The following EEF1E1 variants were observed in gnomAD, a reference collection of about 807,000 sequenced individuals.
The protein encoded by EEF1E1 is eukaryotic translation elongation factor 1 epsilon-1.
A neutral mutation model predicts 19.9 loss-of-function variants in EEF1E1; 19 were observed. That is an observed-to-expected ratio of 0.95 (90% CI 0.66 to 1.40). The LOEUF is 1.40. EEF1E1 is among the 40% of genes most tolerant of loss of function. EEF1E1 has a pLI of 0.00. For missense variants in EEF1E1, 198 were observed against 202.2 expected, an observed-to-expected ratio of 0.98 and a Z score of 0.13; for synonymous variants, 81 against 80.0, an observed-to-expected ratio of 1.01 and a Z score of -0.07.
At chr6:8,098,699 CT>C (rs1264828951) in intron 1 of EEF1E1, among the ~76,000 whole-genome samples, 2 of 152,120 alleles carry the variant, frequency 1.3e-5, no homozygotes, top group African/African-American at 4.8e-5. Flanking sequence ...GTATGGAACC[CT>C]CCGAAGGGTG....
At chr6:8,094,706 T>A (rs1168518847) in intron 2 of EEF1E1, among the ~76,000 whole-genome samples, 1 of 152,156 alleles carries the variant, frequency 6.6e-6, no homozygotes, top group Non-Finnish European at 1.5e-5. Context: ...ACAACGCAGG[T>A]TGGAATTGCA....
rs114310393 is a variant in EEF1E1, at chr6:8,093,991, G to C, written c.288+3276C>G. 9.5e-3 allele frequency among the ~76,000 whole-genome samples: 1,439 copies of C among 152,058 alleles called. 21 individuals are homozygous for C. Among genetic ancestry groups the C allele is most frequent in the African/African-American group, 0.033 (1,351 of 41,490 alleles). ...TTTTCTGTTTTTAGCAGAGATGGGGGTTCCACCATGTTGGCCAGGCTGATC... is the reference window on the plus strand; with the variant it reads ...TTTTCTGTTTTTAGCAGAGATGGGGCTTCCACCATGTTGGCCAGGCTGATC... On this transcript the variant is annotated intron_variant, in intron 2 of 3. Coordinates refer to ENST00000379715, the MANE Select transcript of EEF1E1 (RefSeq NM_004280.5).
intron 3 of EEF1E1, among the ~76,000 whole-genome samples, chr6:8,088,904 G>A (rs2113650539): frequency 6.6e-6 from 1 of 151,800 alleles, no homozygotes; most frequent in East Asian, 1.9e-4. Context: ...AGAAGGAAGG[G>A]GCTTAAGGAA....
rs147858776 is a variant in EEF1E1, at chr6:8,086,217, C to G, written c.384+3969G>C. Reference sequence around the variant, plus strand: ...ATCCTGCATTATTACGGTACGTTTGCGGGGTGAGGGGAAACTAAAAGGAAT... The same window carrying G: ...ATCCTGCATTATTACGGTACGTTTGGGGGGTGAGGGGAAACTAAAAGGAAT... On this transcript the variant is annotated intron_variant, in intron 3 of 3. Transcript: ENST00000379715. Among the ~76,000 whole-genome samples the G allele has an allele frequency of 1.8e-3, 271 of 152,046 alleles. 3 individuals carry two copies. Among genetic ancestry groups the G allele is most frequent in the African/African-American group, 6.3e-3 (261 of 41,490 alleles).
At chr6:8,077,208 G>A (rs976116341), downstream of EEF1E1, among the ~76,000 whole-genome samples, 1 of 152,200 alleles carries the variant, frequency 6.6e-6, no homozygotes. Context: ...CTCCCAAAGT[G>A]CTGGGATTAC....
rs116689114 is a variant in EEF1E1, at chr6:8,098,673, G to A, written c.88-1206C>T. On this transcript the variant is annotated intron_variant, in intron 1 of 3. Transcript: ENST00000379715. Reference sequence around the variant, plus strand: ...CTCTAAGATCACCAATAAATTAAATGTATTGAAAGAAAACAGTATGGAACC... The same window carrying A: ...CTCTAAGATCACCAATAAATTAAATATATTGAAAGAAAACAGTATGGAACC... Among the ~76,000 whole-genome samples, 455 of 152,240 alleles carry A rather than the reference G, an allele frequency of 3.0e-3. 6 individuals are homozygous for A. Among genetic ancestry groups the A allele is most frequent in the African/African-American group, 0.01 (435 of 41,536 alleles).
rs756933478 is a variant in EEF1E1 at position 8,101,781 on chromosome 6, C to A, written c.87+654G>T. 1.0e-5 allele frequency: 13 copies of A among 1,289,254 alleles called. No individual in the cohort carries two copies. The South Asian group carries it at 1.4e-4, about 13-fold the overall frequency. The allele number at this position is 1,289,254 out of a possible 1,614,324, so 79.9% of individuals were successfully genotyped here. A position where few individuals can be genotyped will look rare whatever the true frequency, so the allele number is the denominator to read the frequency against. Reference sequence around the variant, plus strand: ...ATCTCATACCTTGTGATGTTTCCCGCATTCACTGTGGGTCGTAACACTTAA... The same window carrying A: ...ATCTCATACCTTGTGATGTTTCCCGAATTCACTGTGGGTCGTAACACTTAA... On this transcript the variant is annotated intron_variant, in intron 1 of 3. Coordinates refer to ENST00000379715, the MANE Select transcript of EEF1E1 (RefSeq NM_004280.5).
chr6:8,080,653 T>G (rs1486735972), intron 3 of EEF1E1, among the ~76,000 whole-genome samples: 1 of 152,246 alleles, frequency 6.6e-6, no homozygotes, highest in Non-Finnish European at 1.5e-5. Flanking sequence ...ATCATTTCAC[T>G]GGGCTCAAAT....
At chr6:8,092,693 A>G (rs1268125649) in intron 2 of EEF1E1, among the ~76,000 whole-genome samples, 1 of 152,216 alleles carries the variant, frequency 6.6e-6, no homozygotes, top group Non-Finnish European at 1.5e-5. Flanking sequence ...ATCTTCAGAG[A>G]AATCAACTTT....
chr6:8,095,582 A>G (rs1758150717), intron 2 of EEF1E1: 1 of 189,722 alleles, frequency 5.3e-6, no homozygotes. Flanking sequence ...TTTTTTTTTA[A>G]TACATGCACA....
downstream of EEF1E1, among the ~76,000 whole-genome samples, chr6:8,077,204 A>C (rs1240417371): frequency 6.6e-6 from 1 of 152,110 alleles, no homozygotes; most frequent in Non-Finnish European, 1.5e-5. Context: ...TGGCCTCCCA[A>C]AGTGCTGGGA....
downstream of EEF1E1, among the ~76,000 whole-genome samples, chr6:8,076,673 T>C (rs1757599178): frequency 1.3e-5 from 2 of 152,202 alleles, no homozygotes; most frequent in Non-Finnish European, 2.9e-5. Context: ...AATTATTCCT[T>C]AATCCATGGG....
chr6:8,080,695 A>G (rs1312738461), intron 3 of EEF1E1, among the ~76,000 whole-genome samples: 2 of 152,230 alleles, frequency 1.3e-5, no homozygotes, highest in African/African-American at 4.8e-5. Flanking sequence ...ACTTTTCTCT[A>G]AGATAAACTT....
At chr6:8,092,869 C>CTTTTTTTTTTTTTTTTTTT (rs942764776) in intron 2 of EEF1E1, among the ~76,000 whole-genome samples, 1 of 93,764 alleles carries the variant, frequency 1.1e-5, no homozygotes, top group Admixed American at 1.5e-4. Flanking sequence ...ATAAAGACTG[C>CTTTTTTTTTTTTTTTTTTT]TTTTTTTTTT....
chr6:8,078,005 G>C (rs1757638673), downstream of EEF1E1, among the ~76,000 whole-genome samples: 1 of 152,092 alleles, frequency 6.6e-6, no homozygotes, highest in African/African-American at 2.4e-5. Flanking sequence ...TTGAACTCTT[G>C]GGCTCAAGTG....
intron 3 of EEF1E1, among the ~76,000 whole-genome samples, chr6:8,082,951 T>G (rs1053912304): frequency 6.6e-6 from 1 of 152,230 alleles, no homozygotes; most frequent in African/African-American, 2.4e-5. Context: ...ACAACACTGG[T>G]TTTCCACCAT....
At chr6:8,078,416 A>G (rs1561880131), downstream of EEF1E1, 1 of 180,304 alleles carries the variant, frequency 5.5e-6, no homozygotes, top group East Asian at 1.8e-4. Flanking sequence ...CCCAAAAATA[A>G]TAACAATAGT....
In EEF1E1 at chr6:8,097,303, C is replaced by A. The variant is rs1758202068; in HGVS notation, c.252G>T (p.Gly84=). The A allele has an allele frequency of 4.3e-6, 7 of 1,614,008 alleles. No homozygotes were observed. The highest frequency in any genetic ancestry group is 1.6e-4 in the Middle Eastern group (1 of 6,084). Residue 84 remains glycine, a synonymous_variant, in exon 2 of 4, where the codon GGG becomes GGT. Transcript: ENST00000379715. ...WLEYRVTQVD[G]HSSKNDIHTL... The stretch of plus-strand genomic sequence containing the variant: ...TGTGGATGTCATTTTTACTGGAGTG[C>A]CCATCTACTTGAGTGACCCTGTATT...
intron 3 of EEF1E1, among the ~76,000 whole-genome samples, chr6:8,084,372 T>C (rs1442605759): frequency 6.6e-6 from 1 of 152,270 alleles, no homozygotes; most frequent in Non-Finnish European, 1.5e-5. Context: ...TATAGGATTA[T>C]GACCTTATTC....
Sources: gnomAD v4.1 joint callset for allele counts (sites outside exome capture counted in the v4.1 genomes callset) on GRCh38, gnomAD v4.1.1 for gene constraint, MANE v1.5 for transcripts, NCBI Gene and HGNC (gene_info 2026-07-23, HGNC 2026-07-21) for gene names.